Variants in POT1 observed in about 807,000 individuals in gnomAD.
POT1 encodes protection of telomeres protein 1.
In POT1, 47 loss-of-function variants were observed where a neutral mutation model predicts 78.5. That is an observed-to-expected ratio of 0.60 (90% CI 0.47 to 0.76). POT1 has a LOEUF of 0.76. POT1 is among the 30% of genes least tolerant of loss of function. POT1 has a pLI of 0.00. For synonymous variants in POT1, 259 were observed against 260.7 expected (o/e 0.99, Z 0.06); for missense variants, 646 against 749.9 (o/e 0.86, Z 1.62).
chr7:124,836,481 A>G (rs974002786), intron 14 of POT1, among the ~76,000 whole-genome samples: 1 of 152,216 alleles, frequency 6.6e-6, no homozygotes, highest in Non-Finnish European at 1.5e-5. Context: ...AAGTTAGTCT[A>G]TCTTTTGGAG....
intron 5 of POT1, among the ~76,000 whole-genome samples, chr7:124,895,209 C>G (rs1456294549): frequency 1.3e-5 from 2 of 151,614 alleles, no homozygotes; most frequent in African/African-American, 4.8e-5. Context: ...AAGCCACACA[C>G]AGCTAGTTGC....
chr7:124,910,414 G>A (rs1054782100), intron 3 of POT1, among the ~76,000 whole-genome samples: 10 of 151,938 alleles, frequency 6.6e-5, no homozygotes, highest in Admixed American at 4.6e-4. Flanking sequence ...CATAATAAAA[G>A]TGCTTATCAC....
chr7:124,891,886 T>C (rs1031276170), intron 6 of POT1, among the ~76,000 whole-genome samples: 2 of 151,718 alleles, frequency 1.3e-5, no homozygotes, highest in East Asian at 1.9e-4. Context: ...TCTATAGTTA[T>C]AGCTTTTATA....
chr7:124,886,057 A>G (rs1330802118), intron 6 of POT1, among the ~76,000 whole-genome samples: 4 of 152,210 alleles, frequency 2.6e-5, no homozygotes, highest in Non-Finnish European at 5.9e-5. Context: ...ACCAGAAATA[A>G]GATAGCATGC....
chr7:124,873,513 G>C (rs1175208907), intron 6 of POT1, among the ~76,000 whole-genome samples: 2 of 152,144 alleles, frequency 1.3e-5, no homozygotes, highest in African/African-American at 4.8e-5. Flanking sequence ...GTATTCTGTT[G>C]AGGATTTTTG....
intron 14 of POT1, among the ~76,000 whole-genome samples, chr7:124,835,674 CTCTT>C (rs1442434163): frequency 6.6e-6 from 1 of 152,004 alleles, no homozygotes; most frequent in East Asian, 1.9e-4. Context: ...AAACAAATTG[CTCTT>C]TATTTCAGGA....
intron 15 of POT1, 28 bp from the exon 16 acceptor site, chr7:124,829,370 A>T: frequency 7.4e-7 from 1 of 1,353,168 alleles, no homozygotes; most frequent in Non-Finnish European, 1.0e-6. Flanking sequence ...AAGAACCATA[A>T]ATATTTAAAA....
chr7:124,882,472 G>C (rs1304626701), intron 6 of POT1, among the ~76,000 whole-genome samples: 1 of 151,840 alleles, frequency 6.6e-6, no homozygotes, highest in Admixed American at 6.6e-5. Flanking sequence ...TCATTCTATT[G>C]CAAGAGCATG....
intron 2 of POT1, among the ~76,000 whole-genome samples, chr7:124,920,651 C>T (rs1797127194): frequency 7.6e-6 from 1 of 131,176 alleles, no homozygotes; most frequent in South Asian, 2.6e-4. Flanking sequence ...TGTAAAAGAA[C>T]ACAAATACTT....
At chr7:124,920,803 T>C (rs187485788) in intron 2 of POT1, among the ~76,000 whole-genome samples, 8 of 152,220 alleles carry the variant, frequency 5.3e-5, no homozygotes. Flanking sequence ...AATAAAAATG[T>C]TAAAATTGGA....
chr7:124,858,827 A>T, intron 9 of POT1, 130 bp downstream of exon 9: 1 of 542,618 alleles, frequency 1.8e-6, no homozygotes, highest in Non-Finnish European at 2.9e-6. Context: ...CAACTTAAAA[A>T]TCAAAGAAAT....
At chr7:124,880,732 C>T (rs1410039995) in intron 6 of POT1, among the ~76,000 whole-genome samples, 2 of 152,020 alleles carry the variant, frequency 1.3e-5, no homozygotes, top group Non-Finnish European at 2.9e-5. Context: ...TACAAGGCCA[C>T]CTCTTGCTTT....
At chr7:124,885,025 C>G (rs1436117200) in intron 6 of POT1, among the ~76,000 whole-genome samples, 2 of 152,030 alleles carry the variant, frequency 1.3e-5, no homozygotes. Flanking sequence ...TACTATCTAG[C>G]CAGCTCCCAA....
At chr7:124,899,092 T>C (rs1796559786) in intron 3 of POT1, among the ~76,000 whole-genome samples, 1 of 152,160 alleles carries the variant, frequency 6.6e-6, no homozygotes, top group Non-Finnish European at 1.5e-5. Context: ...AATTTAAAAC[T>C]CTATCAAGTG....
chr7:124,919,413 T>A (rs769381491), intron 2 of POT1, among the ~76,000 whole-genome samples: 1 of 152,180 alleles, frequency 6.6e-6, no homozygotes, highest in Non-Finnish European at 1.5e-5. Flanking sequence ...CATCCTGTTA[T>A]GGACTTAATT....
At chr7:124,928,235 C>G (rs555179134) in intron 2 of POT1, among the ~76,000 whole-genome samples, 1 of 152,278 alleles carries the variant, frequency 6.6e-6, no homozygotes, top group East Asian at 1.9e-4. Context: ...CATCTTTCCT[C>G]TAATCTTGCA....
At chr7:124,876,808 A>G (rs1415602032) in intron 6 of POT1, among the ~76,000 whole-genome samples, 2 of 152,228 alleles carry the variant, frequency 1.3e-5, no homozygotes, top group Non-Finnish European at 2.9e-5. Context: ...GAGCAAAAGA[A>G]AAGCCATACA....
In POT1 at chr7:124,829,385, T is replaced by C. The variant is rs376679541; in HGVS notation, c.1506-43A>G. ...AAGAACCATAAATATTTAAAAATAATTTAGCTTGTTTGTTATAACTTTTTA... is the reference window on the plus strand; with the variant it reads ...AAGAACCATAAATATTTAAAAATAACTTAGCTTGTTTGTTATAACTTTTTA... On this transcript the variant is annotated intron_variant, in intron 15 of 18. Transcript: ENST00000357628. 1.6e-3 allele frequency: 2,111 copies of C among 1,282,860 alleles called. 4 individuals are homozygous for C. Among genetic ancestry groups the C allele is most frequent in the Non-Finnish European group, 2.2e-3 (1,977 of 909,508 alleles). 79.5% of individuals were successfully genotyped at this position (1,282,860 alleles called of 1,614,324 possible).
chr7:124,829,494 T>A (rs1794710012), intron 15 of POT1, 152 bp from the exon 16 acceptor site: 1 of 556,614 alleles, frequency 1.8e-6, no homozygotes, highest in African/African-American at 1.9e-5. Context: ...GCTTGTTTGT[T>A]TCACAAGAGA....
Sources: allele counts gnomAD v4.1 joint callset (sites outside exome capture counted in the v4.1 genomes callset), GRCh38; gene constraint gnomAD v4.1.1; transcripts MANE v1.5; gene names NCBI Gene and HGNC (gene_info 2026-07-23, HGNC 2026-07-21).